The following BLTP2 variants were observed in gnomAD, a reference collection of about 807,000 sequenced individuals.
The protein encoded by BLTP2 is U937-associated antigen.
the BLTP2 span, chr17:28,635,792 T>C: frequency 8.5e-6 from 5 of 587,730 alleles, no homozygotes; most frequent in East Asian, 1.2e-4. Flanking sequence ...GAGCTGACAG[T>C]TGATAGTGTC....
the BLTP2 span, chr17:28,642,136 A>T: frequency 2.5e-6 from 4 of 1,593,016 alleles, no homozygotes; most frequent in Non-Finnish European, 3.4e-6. Context: ...TTTTAGGTCA[A>T]AATGTGGTGA....
the BLTP2 span, chr17:28,637,905 C>G: frequency 1.3e-5 from 21 of 1,614,088 alleles, no homozygotes; most frequent in Non-Finnish European, 1.6e-5. Flanking sequence ...AGTAATGACA[C>G]AGATTCCCCA....
the BLTP2 span, among the ~76,000 whole-genome samples, chr17:28,625,561 C>T: frequency 6.6e-6 from 1 of 152,078 alleles, no homozygotes; most frequent in East Asian, 1.9e-4. Flanking sequence ...CAATCCTACA[C>T]CTCCCAAACC....
At chr17:28,640,107 T>A in the BLTP2 span, 1 of 1,520,056 alleles carries the variant, frequency 6.6e-7, no homozygotes, top group South Asian at 1.2e-5. Flanking sequence ...AAAGTAATTA[T>A]TTTTTGGCCA....
chr17:28,635,328 A>C, the BLTP2 span: 3 of 1,614,246 alleles, frequency 1.9e-6, no homozygotes, highest in Non-Finnish European at 2.5e-6. Context: ...CACTCTCTGC[A>C]GCCAGGGTAA....
the BLTP2 span, among the ~76,000 whole-genome samples, chr17:28,627,553 C>T: frequency 2.6e-5 from 4 of 152,114 alleles, no homozygotes; most frequent in African/African-American, 9.7e-5. Flanking sequence ...ACTACAAGCA[C>T]CCGCCACCAT....
chr17:28,633,053 G>A, the BLTP2 span: 2 of 1,591,324 alleles, frequency 1.3e-6, no homozygotes, highest in Non-Finnish European at 1.7e-6. Context: ...AGGAACTCTG[G>A]GGCCCGCAGA....
the BLTP2 span, chr17:28,624,091 T>C: frequency 7.4e-7 from 1 of 1,343,766 alleles, no homozygotes; most frequent in African/African-American, 1.5e-5. Flanking sequence ...CTTTTAGACA[T>C]AGAAGTGATT....
At chr17:28,619,705 T>C in the BLTP2 span, 2 of 1,613,998 alleles carry the variant, frequency 1.2e-6, no homozygotes, top group Admixed American at 1.7e-5. Context: ...GGCCTTCTCC[T>C]GGTTTAGCTG....
chr17:28,618,625 C>T, the BLTP2 span: 52 of 552,012 alleles, frequency 9.4e-5, no homozygotes, highest in South Asian at 8.6e-4. Flanking sequence ...TCTAAGGAAG[C>T]TCTGCTCATT....
At chr17:28,632,791 T>C in the BLTP2 span, 3 of 515,664 alleles carry the variant, frequency 5.8e-6, no homozygotes, top group Admixed American at 1.0e-4. Context: ...CCCTTTCCCC[T>C]GCCAAAAAAC....
At chr17:28,620,046 T>C in the BLTP2 span, 1 of 1,583,562 alleles carries the variant, frequency 6.3e-7, no homozygotes, top group Non-Finnish European at 8.6e-7. Context: ...ATGAATATGA[T>C]TTTTAAGTAG....
At chr17:28,633,560 G>C in the BLTP2 span, 1 of 1,614,058 alleles carries the variant, frequency 6.2e-7, no homozygotes, top group Non-Finnish European at 8.5e-7. Context: ...TCAGTGGCCA[G>C]CTGGTGCAGG....
chr17:28,616,838 T>C, the BLTP2 span: 997 of 1,605,386 alleles, frequency 6.2e-4, 2 homozygotes, highest in Middle Eastern at 8.3e-4. This position sits in a 1 kb window ranked among gnomAD's most constrained non-coding sequence, Gnocchi z 4.8. Flanking sequence ...AACACACAGG[T>C]GGCTTTTGAA....
chr17:28,642,543 C>A, the BLTP2 span: 3 of 579,106 alleles, frequency 5.2e-6, no homozygotes, highest in Non-Finnish European at 9.2e-6. Context: ...CCCAGCTACT[C>A]GGGAGGCTGA....
At chr17:28,645,035 G>A in the BLTP2 span, 1 of 1,601,712 alleles carries the variant, frequency 6.2e-7, no homozygotes. Context: ...AAGACCAACA[G>A]CGCGGAGAAG....
chr17:28,630,163 C>T, the BLTP2 span, among the ~76,000 whole-genome samples: 1 of 151,956 alleles, frequency 6.6e-6, no homozygotes, highest in Non-Finnish European at 1.5e-5. Context: ...CACACTTTGC[C>T]TATTTATTTC....
chr17:28,644,580 G>A, the BLTP2 span, among the ~76,000 whole-genome samples: 2 of 152,314 alleles, frequency 1.3e-5, no homozygotes, highest in East Asian at 3.9e-4. Context: ...GTATCCACGA[G>A]AAGGCACTTT....
chr17:28,644,106 A>G, the BLTP2 span: 1 of 1,614,264 alleles, frequency 6.2e-7, no homozygotes, highest in Non-Finnish European at 8.5e-7. Flanking sequence ...TCTGGATCCA[A>G]AAAAAGCGGA....
Sources: gnomAD v4.1 joint callset for allele counts (sites outside exome capture counted in the v4.1 genomes callset) on GRCh38, gnomAD v4.1.1 for gene constraint, Gnocchi (gnomAD v3.1) non-coding constraint, MANE v1.5 for transcripts, NCBI Gene and HGNC (gene_info 2026-07-23, HGNC 2026-07-21) for gene names.